MAGI2: variants seen among roughly 807,000 people sequenced by gnomAD.
MAGI2 encodes the protein membrane associated guanylate kinase, WW and PDZ domain containing 2, also known as membrane-associated guanylate kinase, WW and PDZ domain-containing protein 2.
A neutral mutation model predicts 133.3 loss-of-function variants in MAGI2; 35 were observed. That is an observed-to-expected ratio of 0.26 (90% CI 0.20 to 0.35). The LOEUF (loss-of-function observed/expected upper bound fraction) is 0.35. Ranked by LOEUF, MAGI2 falls within the 10% of genes least tolerant of loss-of-function variation. The pLI is 1.00. For synonymous variants in MAGI2, 729 were observed against 710.6 expected, an observed-to-expected ratio of 1.03 and a Z score of -0.41; for missense variants, 1,636 against 1,863.4, an observed-to-expected ratio of 0.88 and a Z score of 2.25.
intron 1 of MAGI2, among the ~76,000 whole-genome samples, chr7:79,196,582 T>C (rs1828100757): frequency 6.6e-6 from 1 of 151,996 alleles, no homozygotes; most frequent in Non-Finnish European, 1.5e-5. Context: ...AATAGAATAA[T>C]CATTTTTAGT....
chr7:78,676,914 G>A (rs1362553650), intron 2 of MAGI2, among the ~76,000 whole-genome samples: 1 of 151,964 alleles, frequency 6.6e-6, no homozygotes, highest in Non-Finnish European at 1.5e-5. Flanking sequence ...GCATTCCCTT[G>A]ATTCAAAATT....
chr7:78,028,203 A>G (rs539881245), intron 21 of MAGI2, among the ~76,000 whole-genome samples: 1 of 152,356 alleles, frequency 6.6e-6, no homozygotes, highest in South Asian at 2.1e-4. Flanking sequence ...CTCTTTCTGA[A>G]GCATTGTTTC....
rs373237296 is a variant in MAGI2 at position 78,127,184 on chromosome 7, C to T, written c.3423+13G>A. ...CTTGGTCAGGACCCACCCTGCTCTCCGGGAGGAGGTACCTGGGGTTGTCTG... is the reference window on the plus strand; with the variant it reads ...CTTGGTCAGGACCCACCCTGCTCTCTGGGAGGAGGTACCTGGGGTTGTCTG... On this transcript the variant is annotated intron_variant, in intron 19 of 21. Transcript: ENST00000354212. The T allele has an allele frequency of 4.3e-5, 66 of 1,551,060 alleles. No homozygotes were observed. The highest frequency in any genetic ancestry group is 7.5e-5 in the South Asian group (6 of 79,778).
intron 1 of MAGI2, among the ~76,000 whole-genome samples, chr7:79,288,356 T>C (rs981874553): frequency 6.6e-5 from 10 of 152,194 alleles, no homozygotes; most frequent in Admixed American, 1.3e-4. Flanking sequence ...GTCTAGGTCA[T>C]TGTCTATTAT....
intron 2 of MAGI2, among the ~76,000 whole-genome samples, chr7:78,707,230 G>A (rs1256538651): frequency 6.6e-6 from 1 of 151,876 alleles, no homozygotes; most frequent in Non-Finnish European, 1.5e-5. Context: ...ATTAGACCAA[G>A]GGAAGGGAAA....
At position 78,361,978 on chromosome 7, in the gene MAGI2, T is replaced by G. The variant is rs150866004; in HGVS notation, c.1103+7178A>C. On this transcript the variant is annotated intron_variant, in intron 7 of 21. Transcript: ENST00000354212. ...GAGAAGAGAGACTGGACGGGAGACT[T>G]CTTTTCATGTGAAAGGATCGTGGTA... is the stretch of plus-strand genomic sequence containing the variant. Among the ~76,000 whole-genome samples the G allele has an allele frequency of 3.3e-5, 5 of 152,230 alleles. No homozygotes were observed. In the East Asian group the frequency reaches 9.7e-4, roughly 29 times the overall value.
At chr7:78,841,106 T>C (rs1792108103) in intron 2 of MAGI2, among the ~76,000 whole-genome samples, 1 of 151,962 alleles carries the variant, frequency 6.6e-6, no homozygotes, top group Non-Finnish European at 1.5e-5. Context: ...GGCTGACTTC[T>C]CCCCCAAGTC....
In MAGI2 at chr7:79,453,137, A is replaced by T; in HGVS notation, c.184T>A (p.Ser62Thr). The T allele has an allele frequency of 6.2e-7, 1 of 1,613,806 alleles. No homozygotes were observed. The highest frequency in any genetic ancestry group is 1.7e-4 in the Middle Eastern group (1 of 6,060). ...TTCACCTCCAGCAGCAGCTCCTCCGACACCAATTTGCTGCCGCTCTCATAG... is the reference window on the plus strand; with the variant it reads ...TTCACCTCCAGCAGCAGCTCCTCCGTCACCAATTTGCTGCCGCTCTCATAG... ...VAYESGSKLV[S>T]EELLLEVNET... Residue 62 changes from serine (S) to threonine (T), a missense_variant, in exon 1 of 22, where the codon TCG (serine) becomes ACG (threonine). Ser to Thr is a moderately conservative substitution (Grantham distance 58). This residue lies in a region of MAGI2 where 148 missense variants were observed against 239.0 expected (regional missense o/e 0.62). Coordinates refer to ENST00000354212, the MANE Select transcript of MAGI2 (RefSeq NM_012301.4).
chr7:79,057,960 G>T (rs1584811493), intron 1 of MAGI2, among the ~76,000 whole-genome samples: 1 of 145,834 alleles, frequency 6.9e-6, no homozygotes, highest in African/African-American at 2.5e-5. Flanking sequence ...GGCTCTATTA[G>T]TTTTTTTTTT....
intron 4 of MAGI2, among the ~76,000 whole-genome samples, chr7:78,512,050 G>T (rs2150559920): frequency 6.6e-6 from 1 of 152,108 alleles, no homozygotes; most frequent in African/African-American, 2.4e-5. Context: ...GTGAACCAGG[G>T]AGGCGGAGCT....
At chr7:79,294,342 A>G (rs1836744236) in intron 1 of MAGI2, among the ~76,000 whole-genome samples, 1 of 151,986 alleles carries the variant, frequency 6.6e-6, no homozygotes, top group South Asian at 2.1e-4. Flanking sequence ...AATAGAATTT[A>G]TTGGGCAGAA....
chr7:78,091,012 T>C (rs1817141243), intron 20 of MAGI2, among the ~76,000 whole-genome samples: 1 of 151,980 alleles, frequency 6.6e-6, no homozygotes, highest in South Asian at 2.1e-4. Flanking sequence ...ATATCTTTTG[T>C]AGCTTTTAAC....
intron 9 of MAGI2, among the ~76,000 whole-genome samples, chr7:78,268,160 C>A (rs12538665): frequency 0.2 from 29,904 of 151,610 alleles, 3,316 homozygotes; most frequent in South Asian, 0.31. Context: ...GCTTTTTAAA[C>A]TAAATCTAGT....
intron 1 of MAGI2, among the ~76,000 whole-genome samples, chr7:79,078,007 A>G (rs983042786): frequency 1.3e-5 from 2 of 152,198 alleles, no homozygotes; most frequent in Non-Finnish European, 2.9e-5. Context: ...TACAGAATTT[A>G]CCCCACAAGG....
chr7:79,047,672 G>A (rs995585876), intron 1 of MAGI2, among the ~76,000 whole-genome samples: 1 of 151,882 alleles, frequency 6.6e-6, no homozygotes, highest in Non-Finnish European at 1.5e-5. Context: ...GTATATGAAG[G>A]TTTGATATAT....
intron 1 of MAGI2, among the ~76,000 whole-genome samples, chr7:79,186,214 A>G (rs895843847): frequency 1.7e-4 from 1 of 6,026 alleles, no homozygotes; most frequent in Non-Finnish European, 7.3e-4. Context: ...ATATATATAT[A>G]TATATATATA....
intron 20 of MAGI2, among the ~76,000 whole-genome samples, chr7:78,105,175 G>A (rs80115873): frequency 0.04 from 6,029 of 152,042 alleles, 138 homozygotes; most frequent in East Asian, 0.066. Flanking sequence ...TGGCGTTAAC[G>A]TATATTACTA....
intron 6 of MAGI2, among the ~76,000 whole-genome samples, chr7:78,413,692 G>A (rs1387337723): frequency 6.6e-6 from 1 of 152,024 alleles, no homozygotes; most frequent in Non-Finnish European, 1.5e-5. Flanking sequence ...AAAAGAAGAT[G>A]AGAGGTAGGA....
chr7:79,445,267 T>A (rs574556212), intron 1 of MAGI2, among the ~76,000 whole-genome samples: 1 of 152,290 alleles, frequency 6.6e-6, no homozygotes, highest in South Asian at 2.1e-4. Flanking sequence ...AAGGACTTCA[T>A]GTCTAAAACA....
Sources: allele counts gnomAD v4.1 joint callset (sites outside exome capture counted in the v4.1 genomes callset), GRCh38; gene constraint gnomAD v4.1.1; regional missense constraint gnomAD v4.1.1; transcripts MANE v1.5; gene names NCBI Gene and HGNC (gene_info 2026-07-23, HGNC 2026-07-21).